ICE1: variants seen among roughly 807,000 people sequenced by gnomAD.
ICE1 encodes the protein little elongation complex subunit 1.
In ICE1, 64 loss-of-function variants were observed where a neutral mutation model predicts 192.7. The ratio of observed to expected loss-of-function variants is 0.33; its 90% confidence interval spans 0.27 to 0.41. The LOEUF is 0.41. ICE1 is among the 10% of genes least tolerant of loss of function. The pLI is 1.00. For missense variants in ICE1, 2,708 were observed against 2,696.0 expected (o/e 1.00, Z -0.10); for synonymous variants, 1,010 against 984.5 (o/e 1.03, Z -0.49).
intron 13 of ICE1, among the ~76,000 whole-genome samples, chr5:5,465,927 A>G (rs1211674080): frequency 6.6e-6 from 1 of 152,208 alleles, no homozygotes; most frequent in Admixed American, 6.5e-5. Flanking sequence ...TAAACAGTAT[A>G]TAGAGTAAAT....
chr5:5,482,724 T>C (rs1274506750), intron 17 of ICE1, among the ~76,000 whole-genome samples: 2 of 151,916 alleles, frequency 1.3e-5, no homozygotes, highest in Admixed American at 1.3e-4. Context: ...TGAAGCCTGC[T>C]GTTTAGGCCT....
At chr5:5,481,546 CAT>C (rs1450778762) in intron 17 of ICE1, among the ~76,000 whole-genome samples, 1 of 152,132 alleles carries the variant, frequency 6.6e-6, no homozygotes, top group African/African-American at 2.4e-5. Context: ...TCTTAAAAAA[CAT>C]AGATTCTCAG....
rs1326001287 is a variant in ICE1 at position 5,436,368 on chromosome 5, AT to A, written c.85-49del. 3 of 1,047,380 alleles carry A rather than the reference AT, an allele frequency of 2.9e-6. No individual in the cohort carries two copies. The Admixed American group carries it at 1.0e-4, about 35-fold the overall frequency. 64.9% of individuals were successfully genotyped at this position (1,047,380 alleles called of 1,614,324 possible). On this transcript the variant is annotated intron_variant, in intron 1 of 18. Transcript: ENST00000296564. Reference sequence around the variant, plus strand: ...ATAAATAATGTTACAGACAATAATTATATTTAAAGTAATTGATAAAAAAGCT... The same window carrying A: ...ATAAATAATGTTACAGACAATAATTAATTTAAAGTAATTGATAAAAAAGCT...
At chr5:5,429,626 G>T (rs989876418) in intron 1 of ICE1, among the ~76,000 whole-genome samples, 19 of 152,166 alleles carry the variant, frequency 1.2e-4, no homozygotes, top group African/African-American at 4.3e-4. Flanking sequence ...GTATTTATTT[G>T]TTTGCTATAT....
chr5:5,434,873 A>G (rs890185964), intron 1 of ICE1, among the ~76,000 whole-genome samples: 7 of 152,170 alleles, frequency 4.6e-5, no homozygotes, highest in African/African-American at 1.7e-4. Flanking sequence ...TTAGTTTTGC[A>G]TTTCCTGATA....
intron 1 of ICE1, among the ~76,000 whole-genome samples, chr5:5,434,551 T>G (rs1312924742): frequency 6.6e-6 from 1 of 152,200 alleles, no homozygotes; most frequent in African/African-American, 2.4e-5. Context: ...AGTAATATTT[T>G]TGCATACCCT....
In ICE1 at chr5:5,443,219, G is replaced by T. The variant is rs1246161410; in HGVS notation, c.361G>T (p.Glu121Ter). ...DTHQEYARVK[E>*]ECLKSDAQKK... ...TCATCAGGAATATGCTCGTGTAAAGGAAGAATGCTTGAAGAGTGATGCTCA... is the reference window on the plus strand; with the variant it reads ...TCATCAGGAATATGCTCGTGTAAAGTAAGAATGCTTGAAGAGTGATGCTCA... The change falls in exon 6 of 19, where the codon GAA becomes TAA. Residue 121 changes from glutamate to a stop codon, truncating the protein, a stop_gained. Coordinates refer to ENST00000296564, the MANE Select transcript of ICE1 (RefSeq NM_015325.3). LOFTEE classifies it high-confidence loss of function. 1 of 1,513,386 alleles carries T rather than the reference G, an allele frequency of 6.6e-7. No homozygotes were observed. Among genetic ancestry groups the T allele is most frequent in the South Asian group, 1.3e-5 (1 of 78,482 alleles). 93.7% of individuals were successfully genotyped at this position (1,513,386 alleles called of 1,614,324 possible).
At chr5:5,487,223 AG>A (rs1442208228) in intron 18 of ICE1, among the ~76,000 whole-genome samples, 1 of 152,168 alleles carries the variant, frequency 6.6e-6, no homozygotes, top group Non-Finnish European at 1.5e-5. Flanking sequence ...GGTATCACAG[AG>A]TACTTAGCAT....
In ICE1 at chr5:5,464,831, G is replaced by A. The variant is rs760429694; in HGVS notation, c.5497G>A (p.Gly1833Arg). The A allele has an allele frequency of 2.6e-5, 42 of 1,613,192 alleles. No individual in the cohort carries two copies. The East Asian group carries it at 6.9e-4, about 27-fold the overall frequency. ...TTTGGGGACTCAGCAGGATTCAAGC[G>A]GGAAAAGAACACTGTCAACGTCTAC... ...RDLGTQQDSS[G>R]KRTLSTSTLR... The change falls in exon 13 of 19, where the codon GGG becomes AGG. Residue 1833 changes from glycine to arginine, a missense_variant. Transcript: ENST00000296564. The surrounding 1 kb of genome is among the most constrained non-coding windows in gnomAD (Gnocchi z 4.0).
Position 5,487,210 on chromosome 5 carries a change from C to T in ICE1, c.6619+391C>T, listed in dbSNP as rs576204828. Among the ~76,000 whole-genome samples the T allele has an allele frequency of 2.0e-5, 3 of 152,248 alleles. No homozygotes were observed. In the South Asian group the frequency reaches 6.2e-4, roughly 32 times the overall value. ...GAAATCCGTGATGTACAGTGAGATGCCAGGTATCACAGAGTACTTAGCATC... is the reference window on the plus strand; with the variant it reads ...GAAATCCGTGATGTACAGTGAGATGTCAGGTATCACAGAGTACTTAGCATC... On this transcript the variant is annotated intron_variant, in intron 18 of 18. Coordinates refer to ENST00000296564, the MANE Select transcript of ICE1 (RefSeq NM_015325.3).
chr5:5,464,421 C>T lies in ICE1; in HGVS notation c.5087C>T (p.Pro1696Leu), dbSNP rs534139828. The stretch of plus-strand genomic sequence containing the variant: ...CCCAGACGTGCCTCTCCTCCAGATC[C>T]TTCTCCATCTCCATCTGCAGCTTCA... ...EDPRRASPPD[P>L]SPSPSAASAS... is the part of the protein sequence containing the mutation. The change falls in exon 13 of 19, where the codon CCT becomes CTT. Residue 1696 changes from proline (P) to leucine (L), a missense_variant. Coordinates refer to ENST00000296564, the MANE Select transcript of ICE1 (RefSeq NM_015325.3). The surrounding 1 kb of genome is among the most constrained non-coding windows in gnomAD (Gnocchi z 4.0). The T allele has an allele frequency of 4.5e-4, 725 of 1,613,956 alleles. 10 individuals are homozygous for T. In the South Asian group the frequency reaches 7.7e-3, roughly 17 times the overall value.
intron 10 of ICE1, among the ~76,000 whole-genome samples, chr5:5,451,381 CTT>C (rs1409130971): frequency 1.3e-5 from 2 of 152,016 alleles, no homozygotes. Flanking sequence ...AAAATGCAAA[CTT>C]AATGAAATAG....
Position 5,461,462 on chromosome 5 carries a change from T to A in ICE1, c.2128T>A (p.Leu710Met). 6.2e-7 allele frequency: 1 copy of A among 1,614,000 alleles called. No individual in the cohort carries two copies. The highest frequency in any genetic ancestry group is 8.5e-7 in the Non-Finnish European group (1 of 1,179,898). Residue 710 changes from leucine (L) to methionine (M), a missense_variant, in exon 13 of 19, where the codon TTG becomes ATG. Leu to Met is a conservative substitution (Grantham distance 15, BLOSUM62 2). This residue lies in a region of ICE1 where 2,366 missense variants were observed against 2,276.6 expected (regional missense o/e 1.04). Transcript: ENST00000296564. ...TAGCTTGTGTGCCTTGAGCCCTGAA[T>A]TGGGAGCATCTAATTTTAATGATCA... is the stretch of plus-strand genomic sequence containing the variant. Reference protein sequence around the residue: ...ENSLCALSPELGASNFNDQKS... With the variant: ...ENSLCALSPEMGASNFNDQKS...
chr5:5,468,723 G>GC, intron 14 of ICE1, 105 bp from the exon 15 acceptor site: 1 of 632,258 alleles, frequency 1.6e-6, no homozygotes, highest in Non-Finnish European at 2.4e-6. Flanking sequence ...TCCATTGCAG[G>GC]ATGCCTGCAA....
rs1561088022 is a variant in ICE1 at position 5,461,145 on chromosome 5, T to C, written c.1811T>C (p.Leu604Ser). Residue 604 changes from leucine to serine, a missense_variant, in exon 13 of 19, where the codon TTA becomes TCA. Physicochemically the swap from Leu to Ser is moderately radical, Grantham distance 145. Coordinates refer to ENST00000296564, the MANE Select transcript of ICE1 (RefSeq NM_015325.3). ...KEKEDTQGFT[L>S]GESPESEDDD... The stretch of plus-strand genomic sequence containing the variant: ...AAAGAAGATACTCAAGGGTTCACTT[T>C]AGGAGAATCACCTGAATCAGAAGAT... 6.2e-7 allele frequency: 1 copy of C among 1,613,998 alleles called. No homozygotes were observed.
In ICE1 at chr5:5,464,302, T is replaced by C. The variant is rs1279599065; in HGVS notation, c.4968T>C (p.Ser1656=). 1 of 1,613,288 alleles carries C rather than the reference T, an allele frequency of 6.2e-7. No homozygotes were observed. Among genetic ancestry groups the C allele is most frequent in the East Asian group, 2.2e-5 (1 of 44,838 alleles). Residue 1656 remains serine, a synonymous_variant, in exon 13 of 19, where the codon AGT becomes AGC. Coordinates refer to ENST00000296564, the MANE Select transcript of ICE1 (RefSeq NM_015325.3). The surrounding 1 kb of genome is among the most constrained non-coding windows in gnomAD (Gnocchi z 4.0). ...AGCCACTGTCTCCACTGATATCGAG[T>C]TCTAGTCCTTCCTCACCAGCCTCTC... ...TSQPLSPLIS[S]SSPSSPASPV...
In ICE1 at chr5:5,486,788, T is replaced by G. The variant is rs1482131368; in HGVS notation, c.6588T>G (p.Ile2196Met). The G allele has an allele frequency of 3.7e-6, 6 of 1,600,552 alleles. No individual in the cohort carries two copies. Among genetic ancestry groups the G allele is most frequent in the Non-Finnish European group, 4.3e-6 (5 of 1,172,658 alleles). ...PSAVKNISSV[I>M]GMFIQHAHDE... ...CTGTGAAAAATATTAGTTCGGTTATTGGTATGTTTATACAGCATGCTCACG... is the reference window on the plus strand; with the variant it reads ...CTGTGAAAAATATTAGTTCGGTTATGGGTATGTTTATACAGCATGCTCACG... The change falls in exon 18 of 19, where the codon ATT becomes ATG. Residue 2196 changes from isoleucine (I) to methionine (M), a missense_variant. Ile to Met is a conservative substitution (Grantham distance 10). Around this residue, in one of 2 missense-constraint regions of ICE1, gnomAD observed 342 missense variants for 419.3 expected, o/e 0.82. Transcript: ENST00000296564.
In ICE1 at chr5:5,441,045, T is replaced by G. The variant is rs535012879; in HGVS notation, c.198-67T>G. On this transcript the variant is annotated intron_variant, in intron 4 of 18. Coordinates refer to ENST00000296564, the MANE Select transcript of ICE1 (RefSeq NM_015325.3). ...AAGTTAGCAATAAAATCTGAAATTA[T>G]AAGCACATATATTTAATACTTCGTT... 11 of 967,424 alleles carry G rather than the reference T, an allele frequency of 1.1e-5. No individual in the cohort carries two copies. The African/African-American group carries it at 1.8e-4, about 16-fold the overall frequency. 59.9% of individuals were successfully genotyped at this position (967,424 alleles called of 1,614,324 possible).
At chr5:5,471,349 T>A (rs1739150353) in intron 15 of ICE1, among the ~76,000 whole-genome samples, 1 of 151,224 alleles carries the variant, frequency 6.6e-6, no homozygotes, top group Admixed American at 6.6e-5. Flanking sequence ...AAAACTTTTC[T>A]GTACAAAGAC....
Sources: gnomAD v4.1 joint callset for allele counts (sites outside exome capture counted in the v4.1 genomes callset) on GRCh38, gnomAD v4.1.1 for gene constraint, gnomAD v4.1.1 regional missense constraint, Gnocchi (gnomAD v3.1) non-coding constraint, MANE v1.5 for transcripts, NCBI Gene and HGNC (gene_info 2026-07-23, HGNC 2026-07-21) for gene names.